Variants in CHMP3 observed in about 807,000 individuals in gnomAD.
The protein encoded by CHMP3 is charged multivesicular body protein 3.
In CHMP3, 8 loss-of-function variants were observed where a neutral mutation model predicts 27.4. That is an observed-to-expected ratio of 0.29 (90% CI 0.17 to 0.53). The LOEUF is 0.53. Ranked by LOEUF, CHMP3 falls within the 20% of genes least tolerant of loss-of-function variation. CHMP3 has a pLI of 0.96. For synonymous variants in CHMP3, 86 were observed against 85.5 expected (o/e 1.01, Z -0.03); for missense variants, 208 against 271.5 (o/e 0.77, Z 1.64).
At chr2:86,561,715 T>G (rs1203316454) in intron 1 of CHMP3, 3 of 152,186 alleles carry the variant, frequency 2.0e-5, no homozygotes, top group African/African-American at 7.2e-5. Flanking sequence ...ATCAGCTTTC[T>G]CAGGTAGATT....
intron 1 of CHMP3, among the ~76,000 whole-genome samples, chr2:86,557,178 C>G (rs1240997992): frequency 6.6e-6 from 1 of 152,180 alleles, no homozygotes; most frequent in Non-Finnish European, 1.5e-5. Flanking sequence ...AAACTTGCTC[C>G]TTTCCTGAAT....
intron 1 of CHMP3, chr2:86,562,970 G>A (rs1677445723): frequency 8.1e-6 from 2 of 246,980 alleles, no homozygotes; most frequent in East Asian, 8.0e-5. Flanking sequence ...CCTACGCTGG[G>A]AAAAGGTTCC....
intron 2 of CHMP3, among the ~76,000 whole-genome samples, chr2:86,532,249 T>C (rs1030133175): frequency 6.6e-6 from 1 of 152,188 alleles, no homozygotes; most frequent in Non-Finnish European, 1.5e-5. Context: ...TTTCAGATTG[T>C]CCATCGTTAA....
intron 3 of CHMP3, among the ~76,000 whole-genome samples, chr2:86,516,181 TG>T (rs1436114820): frequency 6.7e-6 from 1 of 148,330 alleles, no homozygotes; most frequent in Non-Finnish European, 1.5e-5. Context: ...AAAATTTATA[TG>T]GCAAAAAGTG....
chr2:86,559,778 T>C (rs571355668), intron 1 of CHMP3, among the ~76,000 whole-genome samples: 4 of 152,320 alleles, frequency 2.6e-5, no homozygotes, highest in Admixed American at 2.0e-4. Context: ...CTAAAAATCC[T>C]ACTAAATAGT....
chr2:86,538,583 T>G (rs1209331973), intron 2 of CHMP3, among the ~76,000 whole-genome samples: 1 of 152,210 alleles, frequency 6.6e-6, no homozygotes, highest in Non-Finnish European at 1.5e-5. Flanking sequence ...TGGTCGAACT[T>G]CAGGGTGATT....
intron 1 of CHMP3, among the ~76,000 whole-genome samples, chr2:86,554,134 T>C (rs999315341): frequency 6.6e-6 from 1 of 152,202 alleles, no homozygotes; most frequent in African/African-American, 2.4e-5. Context: ...GCACCATCTA[T>C]GAACCAAAAA....
At chr2:86,537,845 T>C (rs765617720) in intron 2 of CHMP3, among the ~76,000 whole-genome samples, 13 of 152,184 alleles carry the variant, frequency 8.5e-5, no homozygotes, top group Non-Finnish European at 1.6e-4. Context: ...ACAGCTGCCA[T>C]GGAAAACAGT....
At chr2:86,528,933 G>C (rs1342860026) in intron 3 of CHMP3, among the ~76,000 whole-genome samples, 1 of 152,106 alleles carries the variant, frequency 6.6e-6, no homozygotes, top group African/African-American at 2.4e-5. Context: ...ATCTAGGCTG[G>C]CCTCTTACTC....
chr2:86,506,335 A>G (rs909983117), intron 5 of CHMP3, among the ~76,000 whole-genome samples: 3 of 152,162 alleles, frequency 2.0e-5, no homozygotes, highest in African/African-American at 7.2e-5. Context: ...ATTAAACCCC[A>G]CCATTTTTTT....
chr2:86,555,740 A>G (rs1341829855), intron 1 of CHMP3, among the ~76,000 whole-genome samples: 1 of 151,870 alleles, frequency 6.6e-6, no homozygotes, highest in Non-Finnish European at 1.5e-5. Flanking sequence ...CTCCATCCTC[A>G]CATTGCCTTC....
intron 2 of CHMP3, among the ~76,000 whole-genome samples, chr2:86,538,963 A>G (rs1265461341): frequency 6.6e-6 from 1 of 152,228 alleles, no homozygotes; most frequent in Non-Finnish European, 1.5e-5. Flanking sequence ...ATTAAGAAAC[A>G]GAATATTACG....
At chr2:86,509,135 A>G (rs1674995730) in intron 4 of CHMP3, among the ~76,000 whole-genome samples, 1 of 152,188 alleles carries the variant, frequency 6.6e-6, no homozygotes, top group Admixed American at 6.5e-5. Flanking sequence ...CTTCCTCCAA[A>G]TCTGTATTAC....
intron 1 of CHMP3, among the ~76,000 whole-genome samples, chr2:86,555,205 AT>A (rs1000371370): frequency 2.0e-5 from 3 of 152,220 alleles, no homozygotes; most frequent in African/African-American, 7.2e-5. Flanking sequence ...GTTAAAATAC[AT>A]GAAATACATC....
chr2:86,558,124 C>G (rs1677196972), intron 1 of CHMP3, among the ~76,000 whole-genome samples: 1 of 152,136 alleles, frequency 6.6e-6, no homozygotes, highest in Non-Finnish European at 1.5e-5. Context: ...AGTGAAGTCC[C>G]TAAGTAAGAC....
Position 86,544,203 on chromosome 2 carries a change from T to C in CHMP3, c.46-1891A>G, listed in dbSNP as rs543829666. Among the ~76,000 whole-genome samples the C allele has an allele frequency of 2.0e-5, 3 of 152,364 alleles. No individual in the cohort carries two copies. In the East Asian group the frequency reaches 5.8e-4, roughly 29 times the overall value. ...ACAACTCGTTTATCCATTCAACTGT[T>C]AATGGAAATCTGGGTTGTTTACACC... On this transcript the variant is annotated intron_variant, in intron 1 of 5. Transcript: ENST00000263856.
intron 2 of CHMP3, among the ~76,000 whole-genome samples, chr2:86,530,191 C>G (rs1305429856): frequency 1.3e-5 from 2 of 152,112 alleles, no homozygotes; most frequent in Non-Finnish European, 2.9e-5. Context: ...TGGGGTTTCA[C>G]CATGTTGGCC....
intron 2 of CHMP3, among the ~76,000 whole-genome samples, chr2:86,538,128 G>A (rs1232979634): frequency 1.3e-5 from 2 of 152,136 alleles, no homozygotes; most frequent in African/African-American, 4.8e-5. Context: ...CAACATGGAT[G>A]ATCCTTAAAA....
Position 86,505,852 on chromosome 2 carries a change from T to TTCC in CHMP3, c.618_620dup (p.Glu208dup), listed in dbSNP as rs751377387. 32 of 1,603,442 alleles carry TTCC rather than the reference T, an allele frequency of 2.0e-5. No individual in the cohort carries two copies. The highest frequency in any genetic ancestry group is 2.6e-5 in the Non-Finnish European group (31 of 1,174,770). ...GGGACTGCATGGCCTCCAGAGCCTC[T>TTCC]TCCTCCTCCTCCTCATCCTCTGAGG... On this transcript the variant is annotated inframe_insertion, in exon 6 of 6. Transcript: ENST00000263856.
Sources: gnomAD v4.1 joint callset for allele counts (sites outside exome capture counted in the v4.1 genomes callset) on GRCh38, gnomAD v4.1.1 for gene constraint, MANE v1.5 for transcripts, NCBI Gene and HGNC (gene_info 2026-07-23, HGNC 2026-07-21) for gene names.